Variants in AP2A2 observed in about 807,000 individuals in gnomAD.
The protein encoded by AP2A2 is adaptor related protein complex 2 subunit alpha 2, also known as AP-2 complex subunit alpha-2.
Under a neutral mutation model 104.2 loss-of-function variants are expected in AP2A2, and 32 were observed. The observed-to-expected ratio is 0.31, with a 90% CI of 0.23 to 0.41. The LOEUF is 0.41. AP2A2 is among the 10% of genes least tolerant of loss of function. The pLI is 1.00. For synonymous variants in AP2A2, 539 were observed against 533.3 expected (o/e 1.01, Z -0.15); for missense variants, 912 against 1,261.0 (o/e 0.72, Z 4.19).
intron 10 of AP2A2, among the ~76,000 whole-genome samples, chr11:991,388 T>TC (rs1444743573): frequency 6.6e-6 from 1 of 152,136 alleles, no homozygotes; most frequent in Admixed American, 6.5e-5. Flanking sequence ...GGCATTACAC[T>TC]CCTGGGGGGC....
chr11:976,799 A>G (rs1855055455), intron 4 of AP2A2, among the ~76,000 whole-genome samples: 1 of 152,170 alleles, frequency 6.6e-6, no homozygotes, highest in Admixed American at 6.5e-5. Context: ...TTAAGTTGTA[A>G]CAACAACAAC....
At chr11:955,489 G>A (rs1177213063) in intron 1 of AP2A2, among the ~76,000 whole-genome samples, 2 of 152,220 alleles carry the variant, frequency 1.3e-5, no homozygotes, top group Admixed American at 6.5e-5. Flanking sequence ...AGCCTGCCCA[G>A]GGGTCACTGC....
chr11:931,835 CCTCT>C (rs1454924507), intron 1 of AP2A2, among the ~76,000 whole-genome samples: 84 of 148,892 alleles, frequency 5.6e-4, no homozygotes, highest in Non-Finnish European at 9.8e-4. Flanking sequence ...GCAGAGTCTC[CCTCT>C]GTCACCCAGG....
chr11:931,041 A>G (rs1195422459), intron 1 of AP2A2, among the ~76,000 whole-genome samples: 2 of 152,150 alleles, frequency 1.3e-5, no homozygotes, highest in Non-Finnish European at 2.9e-5. Flanking sequence ...GCTACCCCTT[A>G]TAGCCATACT....
intron 2 of AP2A2, among the ~76,000 whole-genome samples, chr11:963,439 A>T (rs1854507123): frequency 6.7e-6 from 1 of 148,492 alleles, no homozygotes; most frequent in Non-Finnish European, 1.5e-5. Context: ...AAAAAAAACT[A>T]AAAAAAAAAC....
intron 1 of AP2A2, among the ~76,000 whole-genome samples, chr11:944,934 A>G (rs1247945406): frequency 6.6e-6 from 1 of 152,154 alleles, no homozygotes; most frequent in Non-Finnish European, 1.5e-5. Context: ...CTAGAGCTTT[A>G]TAAAGACTGT....
At chr11:957,814 T>C (rs938609812) in intron 1 of AP2A2, among the ~76,000 whole-genome samples, 3 of 152,224 alleles carry the variant, frequency 2.0e-5, no homozygotes, top group African/African-American at 7.2e-5. Context: ...GGTGATTAAA[T>C]AGGTGTGCGA....
chr11:973,637 G>T (rs1040691507), intron 4 of AP2A2, among the ~76,000 whole-genome samples: 2 of 152,038 alleles, frequency 1.3e-5, no homozygotes, highest in African/African-American at 2.4e-5. Flanking sequence ...CGAAAACAGG[G>T]TGCCCAAGAT....
chr11:976,967 CCT>C, intron 4 of AP2A2, 126 bp from the exon 5 acceptor site: 1 of 1,322,848 alleles, frequency 7.6e-7, no homozygotes, highest in Non-Finnish European at 1.0e-6. Flanking sequence ...GGCAGGCGGC[CCT>C]GAGTGCTGTC....
chr11:951,980 C>G (rs950410288), intron 1 of AP2A2, among the ~76,000 whole-genome samples: 1 of 152,006 alleles, frequency 6.6e-6, no homozygotes, highest in African/African-American at 2.4e-5. Context: ...TGATTCCCCC[C>G]ACCTCAGCCT....
intron 9 of AP2A2, 60 bp from the exon 10 acceptor site, chr11:988,492 G>A: frequency 6.3e-7 from 1 of 1,582,624 alleles, no homozygotes; most frequent in Non-Finnish European, 8.6e-7. Flanking sequence ...CCTGTCCCCA[G>A]CCTGTCCCCA....
intron 6 of AP2A2, among the ~76,000 whole-genome samples, chr11:983,084 G>A (rs1324276683): frequency 1.6e-5 from 2 of 128,798 alleles, no homozygotes; most frequent in South Asian, 4.9e-4. Flanking sequence ...GCAATGGCAC[G>A]ATCTCGGTTT....
intron 1 of AP2A2, among the ~76,000 whole-genome samples, chr11:959,197 C>T (rs114239750): frequency 0.068 from 10,402 of 152,298 alleles, 438 homozygotes; most frequent in South Asian, 0.11. Flanking sequence ...GTTCAGGACT[C>T]GCTCCTTTGC....
chr11:949,066 A>G (rs1434598167), intron 1 of AP2A2, among the ~76,000 whole-genome samples: 2 of 151,664 alleles, frequency 1.3e-5, no homozygotes, highest in South Asian at 2.1e-4. Flanking sequence ...GAGGTGGGTG[A>G]TCATTTGAGG....
intron 6 of AP2A2, among the ~76,000 whole-genome samples, chr11:983,604 C>A (rs769772332): frequency 1.3e-5 from 2 of 152,010 alleles, no homozygotes; most frequent in Admixed American, 6.5e-5. Context: ...AGGATGGTCT[C>A]GATCTCCTGA....
Position 961,865 on chromosome 11 carries a change from C to T in AP2A2, c.136+2360C>T, listed in dbSNP as rs545725811. ...GGAGATGTGGGTCTGACAGAGTCGC[C>T]GCCACCAGTGAAAAGTAAAGGGCGG... On this transcript the variant is annotated intron_variant, in intron 2 of 21. Coordinates refer to ENST00000448903, the MANE Select transcript of AP2A2 (RefSeq NM_012305.4). Among the ~76,000 whole-genome samples the T allele has an allele frequency of 2.8e-3, 382 of 136,386 alleles. 3 individuals carry two copies. The highest frequency in any genetic ancestry group is 0.01 in the African/African-American group (370 of 35,480). 89.5% of individuals were successfully genotyped at this position (136,386 alleles called of 152,430 possible).
At chr11:928,533 G>C (rs570116973) in intron 1 of AP2A2, among the ~76,000 whole-genome samples, 1 of 152,194 alleles carries the variant, frequency 6.6e-6, no homozygotes, top group African/African-American at 2.4e-5. Context: ...TGACATTTGG[G>C]GCTGGATCAC....
At chr11:959,959 C>A (rs535171714) in intron 2 of AP2A2, among the ~76,000 whole-genome samples, 5 of 152,186 alleles carry the variant, frequency 3.3e-5, no homozygotes, top group African/African-American at 7.2e-5. Context: ...TTGTGAAGTA[C>A]GGATTTAGTT....
intron 14 of AP2A2, chr11:995,305 C>T (rs1470078092): frequency 2.0e-5 from 9 of 455,752 alleles, no homozygotes. Flanking sequence ...TGAGAATAAT[C>T]CTGTAACAGA....
Sources: gnomAD v4.1 joint callset for allele counts (sites outside exome capture counted in the v4.1 genomes callset) on GRCh38, gnomAD v4.1.1 for gene constraint, MANE v1.5 for transcripts, NCBI Gene and HGNC (gene_info 2026-07-23, HGNC 2026-07-21) for gene names.